Variants in FXYD4 observed in about 807,000 individuals in gnomAD.
FXYD4 encodes the protein FXYD domain-containing ion transport regulator 4.
A neutral mutation model predicts 18.3 loss-of-function variants in FXYD4; 14 were observed. That is an observed-to-expected ratio of 0.77 (90% CI 0.51 to 1.20). The LOEUF (loss-of-function observed/expected upper bound fraction) is 1.20. Ranked by LOEUF, FXYD4 falls within the 50% of genes most tolerant of loss-of-function variation. FXYD4 has a pLI of 0.00. For synonymous variants in FXYD4, 40 were observed against 40.5 expected (o/e 0.99, Z 0.04); for missense variants, 99 against 106.1 (o/e 0.93, Z 0.29).
intron 3 of FXYD4, 97 bp from the exon 4 acceptor site, chr10:43,374,373 G>A: frequency 8.3e-7 from 1 of 1,199,632 alleles, no homozygotes; most frequent in Non-Finnish European, 1.2e-6. Context: ...TGGCTCCAGG[G>A]TCACCCCACA....
Position 43,373,736 on chromosome 10 carries a change from C to A in FXYD4, c.-11C>A, listed in dbSNP as rs368423127. On this transcript the variant is annotated 5_prime_UTR_variant, in exon 3 of 9. Coordinates refer to ENST00000476166, the MANE Select transcript of FXYD4 (RefSeq NM_173160.3). ...CCTCTCCCCCTGCAGCCCTGCCCCT[C>A]GAACTGTGACATGGAGAGAGTGACC... 2.1e-4 allele frequency: 337 copies of A among 1,597,892 alleles called. 4 individuals carry two copies. In the South Asian group the frequency reaches 3.2e-3, roughly 15 times the overall value.
At chr10:43,374,400 C>T in intron 3 of FXYD4, 70 bp from the exon 4 acceptor site, 2 of 1,482,126 alleles carry the variant, frequency 1.3e-6, no homozygotes, top group Non-Finnish European at 1.9e-6. Context: ...GGGCTGGGGT[C>T]CTGCTGTCTG....
intron 3 of FXYD4, among the ~76,000 whole-genome samples, 156 bp downstream of exon 3, chr10:43,373,939 A>C (rs183794352): frequency 9.8e-5 from 15 of 152,364 alleles, no homozygotes; most frequent in African/African-American, 2.9e-4. Flanking sequence ...ATGACAGTAC[A>C]GGTAGGATGA....
In FXYD4 at chr10:43,373,736, C is replaced by G. The variant is rs368423127; in HGVS notation, c.-11C>G. ...CCTCTCCCCCTGCAGCCCTGCCCCT[C>G]GAACTGTGACATGGAGAGAGTGACC... On this transcript the variant is annotated 5_prime_UTR_variant, in exon 3 of 9. Coordinates refer to ENST00000476166, the MANE Select transcript of FXYD4 (RefSeq NM_173160.3). 3.1e-6 allele frequency: 5 copies of G among 1,597,776 alleles called. No individual in the cohort carries two copies. In the East Asian group the frequency reaches 1.1e-4, roughly 36 times the overall value.
At chr10:43,375,302 C>T (rs1837856189) in intron 5 of FXYD4, among the ~76,000 whole-genome samples, 197 bp from the exon 6 acceptor site, 1 of 152,114 alleles carries the variant, frequency 6.6e-6, no homozygotes, top group South Asian at 2.1e-4. Context: ...GATGGGATTA[C>T]AGATGTGAGC....
chr10:43,375,785 G>T (rs1272043816), intron 7 of FXYD4, 51 bp downstream of exon 7: 5 of 1,572,890 alleles, frequency 3.2e-6, no homozygotes, highest in African/African-American at 1.3e-5. Context: ...ACTACGGGGG[G>T]ACAGTCCTGA....
rs1398127947 is a variant in FXYD4 at position 43,375,481 on chromosome 10, T to A, written c.98-18T>A. 1 of 1,607,752 alleles carries A rather than the reference T, an allele frequency of 6.2e-7. No individual in the cohort carries two copies. Among genetic ancestry groups the A allele is most frequent in the Non-Finnish European group, 8.5e-7 (1 of 1,174,346 alleles). ...AGGCCCCAGGCTGGTGCAAGCTCAC[T>A]CTCTGTACCCACCCCAGACTGGAAA... On this transcript the variant is annotated intron_variant, in intron 5 of 8. Transcript: ENST00000476166.
At chr10:43,375,866 C>T in intron 7 of FXYD4, 132 bp downstream of exon 7, 1 of 1,219,578 alleles carries the variant, frequency 8.2e-7, no homozygotes, top group Non-Finnish European at 1.2e-6. Flanking sequence ...ATAGTCAACC[C>T]TGAAGGGCCC....
chr10:43,375,389 G>C (rs1837857341), intron 5 of FXYD4, 110 bp from the exon 6 acceptor site: 1 of 799,046 alleles, frequency 1.3e-6, no homozygotes, highest in Non-Finnish European at 2.2e-6. Context: ...TTGCTGGCTT[G>C]TCTTTATGTA....
At chr10:43,375,637 A>G in intron 6 of FXYD4, 58 bp from the exon 7 acceptor site, 2 of 1,608,542 alleles carry the variant, frequency 1.2e-6, no homozygotes, top group Non-Finnish European at 1.7e-6. Flanking sequence ...TGGGGCAGAA[A>G]GAGAGAGTGC....
At chr10:43,375,779 CG>C (rs759178756) in intron 7 of FXYD4, 45 bp downstream of exon 7, 2 of 1,588,446 alleles carry the variant, frequency 1.3e-6, no homozygotes, top group Non-Finnish European at 1.7e-6. Flanking sequence ...GGCAGAACTA[CG>C]GGGGGACAGT....
rs766079499 is a variant in FXYD4 at position 43,375,679 on chromosome 10, CCT to C, written c.173-6_173-5del. ...TCCAGCACTGACCCTGGCGCTGACCCCTCTCTCTCTCCCAGGTGGCAAATGCA... is the reference window on the plus strand; with the variant it reads ...TCCAGCACTGACCCTGGCGCTGACCCCTCTCTCTCCCAGGTGGCAAATGCA... On this transcript the variant is annotated splice_polypyrimidine_tract_variant and intron_variant, in intron 6 of 8. Transcript: ENST00000476166. The C allele has an allele frequency of 3.1e-6, 5 of 1,611,718 alleles. No homozygotes were observed. The highest frequency in any genetic ancestry group is 4.2e-6 in the Non-Finnish European group (5 of 1,177,978).
In FXYD4 at chr10:43,373,689, G is replaced by A. The variant is rs1837834816; in HGVS notation, c.-58G>A. The A allele has an allele frequency of 3.0e-6, 3 of 997,522 alleles. No individual in the cohort carries two copies. The highest frequency in any genetic ancestry group is 4.9e-6 in the Non-Finnish European group (3 of 618,318). 61.8% of individuals were successfully genotyped at this position (997,522 alleles called of 1,614,324 possible). A position where few individuals can be genotyped will look rare whatever the true frequency, so the allele number is the denominator to read the frequency against. On this transcript the variant is annotated 5_prime_UTR_variant, in exon 3 of 9. Coordinates refer to ENST00000476166, the MANE Select transcript of FXYD4 (RefSeq NM_173160.3). ...CTGTGAGCCTGGAGCAGATCCGTGG[G>A]CTGCAGACCCCCGCCCCAGTGCCTC...
chr10:43,373,259 G>A (rs1031317243), intron 2 of FXYD4, among the ~76,000 whole-genome samples: 8 of 152,108 alleles, frequency 5.3e-5, no homozygotes, highest in African/African-American at 1.7e-4. Flanking sequence ...CCTTTGTGTG[G>A]GGTTAGGAAG....
At chr10:43,371,837 T>G (rs902533372) in intron 1 of FXYD4, 140 bp downstream of exon 1, 3 of 152,130 alleles carry the variant, frequency 2.0e-5, no homozygotes, top group Non-Finnish European at 4.4e-5. Flanking sequence ...TTGCACCCAC[T>G]ATCATATGGA....
In FXYD4 at chr10:43,372,769, G is replaced by A. The variant is rs1181495433; in HGVS notation, c.-236G>A. ...AGTGAGGAACCTGCAGAGTCACACA[G>A]TTGGTAAGTTGCTAAGAAGGGACCC... On this transcript the variant is annotated 5_prime_UTR_variant, in exon 2 of 9. Transcript: ENST00000476166. 1 of 152,252 alleles carries A rather than the reference G, an allele frequency of 6.6e-6. No individual in the cohort carries two copies. The highest frequency in any genetic ancestry group is 1.5e-5 in the Non-Finnish European group (1 of 68,076). The allele number at this position is 152,252 out of a possible 1,614,324, so 9.4% of individuals were successfully genotyped here.
intron 2 of FXYD4, 76 bp from the exon 3 acceptor site, chr10:43,373,439 T>G: frequency 2.4e-6 from 1 of 412,628 alleles, no homozygotes; most frequent in East Asian, 3.6e-5. Flanking sequence ...AACAACGCCT[T>G]CTACAGCACT....
chr10:43,375,802 G>C, intron 7 of FXYD4, 68 bp downstream of exon 7: 4 of 1,514,136 alleles, frequency 2.6e-6, no homozygotes, highest in Non-Finnish European at 3.7e-6. Context: ...CTGACCTGGA[G>C]AGTGGACAGC....
chr10:43,373,722 G>T lies in FXYD4; in HGVS notation c.-25G>T, dbSNP rs751129656. 6.4e-7 allele frequency: 1 copy of T among 1,561,734 alleles called. No individual in the cohort carries two copies. The highest frequency in any genetic ancestry group is 8.8e-7 in the Non-Finnish European group (1 of 1,132,622). Reference sequence around the variant, plus strand: ...CCCCCGCCCCAGTGCCTCTCCCCCTGCAGCCCTGCCCCTCGAACTGTGACA... The same window carrying T: ...CCCCCGCCCCAGTGCCTCTCCCCCTTCAGCCCTGCCCCTCGAACTGTGACA... On this transcript the variant is annotated 5_prime_UTR_variant, in exon 3 of 9. Coordinates refer to ENST00000476166, the MANE Select transcript of FXYD4 (RefSeq NM_173160.3).
Sources: allele counts gnomAD v4.1 joint callset (sites outside exome capture counted in the v4.1 genomes callset), GRCh38; gene constraint gnomAD v4.1.1; transcripts MANE v1.5; gene names NCBI Gene and HGNC (gene_info 2026-07-23, HGNC 2026-07-21).